SEC24C: variants seen among roughly 807,000 people sequenced by gnomAD.
The protein encoded by SEC24C is SEC24 homolog C, COPII component.
In SEC24C, 22 loss-of-function variants were observed where a neutral mutation model predicts 117.0. The observed-to-expected ratio is 0.19, with a 90% CI of 0.13 to 0.27. The LOEUF (loss-of-function observed/expected upper bound fraction) is 0.27. Among genes scored for constraint, SEC24C ranks in the 10% least tolerant of loss-of-function variants. SEC24C has a pLI of 1.00. For missense variants in SEC24C, 1,155 were observed against 1,375.1 expected, an observed-to-expected ratio of 0.84 and a Z score of 2.53; for synonymous variants, 506 against 529.4, an observed-to-expected ratio of 0.96 and a Z score of 0.61.
At chr10:73,751,661 G>A (rs1456084423) in intron 3 of SEC24C, 2 of 152,262 alleles carry the variant, frequency 1.3e-5, no homozygotes, top group African/African-American at 4.8e-5. Flanking sequence ...TGCCTTTCTT[G>A]TAGATCACTT....
Position 73,760,364 on chromosome 10 carries a change from A to G in SEC24C, c.828A>G (p.Pro276=). The change falls in exon 5 of 23, where the codon CCA becomes CCG. Residue 276 remains proline (P), a synonymous_variant. Coordinates refer to ENST00000345254, the MANE Select transcript of SEC24C (RefSeq NM_198597.3). ...CACCTATGCACTCCCCGCAGCAGCC[A>G]GGCTATCAGCCCCAACAAAATGGTG... is the stretch of plus-strand genomic sequence containing the variant. ...PLPPMHSPQQ[P]GYQPQQNGSF... is the part of the protein sequence containing the mutation. 3 of 1,599,608 alleles carry G rather than the reference A, an allele frequency of 1.9e-6. No homozygotes were observed. Among genetic ancestry groups the G allele is most frequent in the Non-Finnish European group, 2.6e-6 (3 of 1,174,700 alleles).
chr10:73,767,869 G>A lies in SEC24C; in HGVS notation c.2043G>A (p.Gln681=), dbSNP rs1487597244. 6.2e-7 allele frequency: 1 copy of A among 1,613,076 alleles called. No homozygotes were observed. The highest frequency in any genetic ancestry group is 1.3e-5 in the African/African-American group (1 of 74,854). ...TCCAGCCTCAGACAGGTGCCTATCA[G>A]ACCCTGGCCAAAGAGTGTGTGGCCC... ...TLFQPQTGAY[Q]TLAKECVAQG... Residue 681 remains glutamine (Q), a synonymous_variant, in exon 15 of 23, where the codon CAG becomes CAA. Coordinates refer to ENST00000345254, the MANE Select transcript of SEC24C (RefSeq NM_198597.3).
chr10:73,747,393 G>C (rs1020980661), intron 2 of SEC24C, among the ~76,000 whole-genome samples: 37 of 151,868 alleles, frequency 2.4e-4, no homozygotes, highest in African/African-American at 7.7e-4. Flanking sequence ...GTCTCTCTCT[G>C]TCGCCCAGGC....
At position 73,769,223 on chromosome 10, in the gene SEC24C, G is replaced by GATATA. The variant is rs764564901; in HGVS notation, c.2424+71_2424+72insATATA. The GATATA allele has an allele frequency of 6.3e-7, 1 of 1,594,982 alleles. No homozygotes were observed. Among genetic ancestry groups the GATATA allele is most frequent in the Admixed American group, 1.8e-5 (1 of 56,888 alleles). On this transcript the variant is annotated intron_variant, in intron 17 of 22. Coordinates refer to ENST00000345254, the MANE Select transcript of SEC24C (RefSeq NM_198597.3). The surrounding 1 kb of genome is among the most constrained non-coding windows in gnomAD (Gnocchi z 4.5). ...TGGTATAGAAGAGGGTGAGGAATGGGTAGAGAGCACTAAAAGAAGAGACAG... is the reference window on the plus strand; with the variant it reads ...TGGTATAGAAGAGGGTGAGGAATGGGATATATAGAGAGCACTAAAAGAAGAGACAG...
At chr10:73,759,195 C>CAA (rs745357787) in intron 3 of SEC24C, among the ~76,000 whole-genome samples, 9 of 114,492 alleles carry the variant, frequency 7.9e-5, no homozygotes, top group African/African-American at 2.3e-4. Flanking sequence ...GACCCTGTCT[C>CAA]AAAAAAAAAA....
At chr10:73,752,013 A>C (rs1418011020) in intron 3 of SEC24C, 1 of 152,276 alleles carries the variant, frequency 6.6e-6, no homozygotes, top group Non-Finnish European at 1.5e-5. Context: ...TAAAAGGGAA[A>C]CCACATAAAT....
chr10:73,756,800 C>T (rs533642400), intron 3 of SEC24C, among the ~76,000 whole-genome samples: 7 of 151,504 alleles, frequency 4.6e-5, no homozygotes, highest in Non-Finnish European at 8.8e-5. Context: ...AGGGTTTCAC[C>T]ATGTTGGCCA....
chr10:73,759,963 G>T, intron 4 of SEC24C, 55 bp from the exon 5 acceptor site: 1 of 1,519,914 alleles, frequency 6.6e-7, no homozygotes, highest in South Asian at 1.3e-5. Context: ...GTGATATACC[G>T]AACAAGGAGG....
intron 6 of SEC24C, among the ~76,000 whole-genome samples, chr10:73,761,550 G>T (rs1174346876): frequency 3.9e-5 from 6 of 152,120 alleles, no homozygotes; most frequent in African/African-American, 7.2e-5. Context: ...CATTTGCTAT[G>T]TCAGTTACCT....
At chr10:73,770,223 G>A (rs569325471) in intron 20 of SEC24C, 57 bp from the exon 21 acceptor site, 5 of 1,507,350 alleles carry the variant, frequency 3.3e-6, no homozygotes, top group Non-Finnish European at 4.5e-6. Flanking sequence ...TGTGGTGCGG[G>A]GGGGCAGACT....
At chr10:73,759,406 T>C (rs1204897114) in intron 3 of SEC24C, among the ~76,000 whole-genome samples, 1 of 152,202 alleles carries the variant, frequency 6.6e-6, no homozygotes, top group African/African-American at 2.4e-5. Context: ...TGGTTTATGT[T>C]TGTGGAGTGA....
intron 3 of SEC24C, among the ~76,000 whole-genome samples, chr10:73,752,305 TAG>T (rs1681421273): frequency 6.6e-6 from 1 of 152,028 alleles, no homozygotes; most frequent in South Asian, 2.1e-4. Flanking sequence ...GTATTTTTAG[TAG>T]AGATGGGGTT....
At chr10:73,756,664 G>A (rs1232220275) in intron 3 of SEC24C, among the ~76,000 whole-genome samples, 2 of 151,468 alleles carry the variant, frequency 1.3e-5, no homozygotes, top group African/African-American at 4.9e-5. Flanking sequence ...GCAATAGCAC[G>A]ATCTCAGCTC....
chr10:73,745,495 G>T (rs2082533020), intron 1 of SEC24C, among the ~76,000 whole-genome samples: 1 of 151,804 alleles, frequency 6.6e-6, no homozygotes, highest in African/African-American at 2.4e-5. Flanking sequence ...AAGTTTTGGT[G>T]CCTGTTCTGC....
chr10:73,771,725 T>C lies in SEC24C; in HGVS notation c.*630T>C, dbSNP rs2082986591. 1 of 153,102 alleles carries C rather than the reference T, an allele frequency of 6.5e-6. No homozygotes were observed. Among genetic ancestry groups the C allele is most frequent in the East Asian group, 1.9e-4 (1 of 5,202 alleles). 9.5% of individuals were successfully genotyped at this position (153,102 alleles called of 1,614,324 possible). A position where few individuals can be genotyped will look rare whatever the true frequency, so the allele number is the denominator to read the frequency against. On this transcript the variant is annotated 3_prime_UTR_variant, in exon 23 of 23. Transcript: ENST00000345254. ...GTGACCGGAGAACTGAGTTGCAAAA[T>C]ATATTAAGATCTGGTAGAGGTACCA... is the stretch of plus-strand genomic sequence containing the variant.
Position 73,770,356 on chromosome 10 carries a change from T to C in SEC24C, c.2939T>C (p.Ile980Thr). The stretch of plus-strand genomic sequence containing the variant: ...GAAGAGCGTCTAAGCAATGGGGATA[T>C]ATATTTACTGGAGAATGGGCTCAAC... ...ASEERLSNGD[I>T]YLLENGLNLF... Residue 980 changes from isoleucine (I) to threonine (T), a missense_variant, in exon 21 of 23, where the codon ATA becomes ACA. Transcript: ENST00000345254. 6.2e-7 allele frequency: 1 copy of C among 1,613,626 alleles called. No homozygotes were observed. Among genetic ancestry groups the C allele is most frequent in the Non-Finnish European group, 8.5e-7 (1 of 1,179,836 alleles).
intron 7 of SEC24C, 98 bp downstream of exon 7, chr10:73,763,699 T>TA (rs2082833896): frequency 3.2e-6 from 2 of 633,428 alleles, no homozygotes; most frequent in African/African-American, 2.1e-5. Context: ...TTTTTTTTTT[T>TA]AGTTTTTAAC....
chr10:73,748,214 C>A (rs202015135), intron 2 of SEC24C, among the ~76,000 whole-genome samples: 1 of 149,310 alleles, frequency 6.7e-6, no homozygotes, highest in East Asian at 2.0e-4. Flanking sequence ...CGGCTCACTG[C>A]AACCTCCGCC....
Position 73,746,547 on chromosome 10 carries a change from T to C in SEC24C, c.-28-258T>C, listed in dbSNP as rs1466416440. On this transcript the variant is annotated intron_variant, in intron 1 of 22. Transcript: ENST00000345254. ...AATGGAGGCTGCTGCTCCATTTCAG[T>C]GGATCTGTCTGAAGTTGAAATTTAT... 1.5e-5 allele frequency: 4 copies of C among 264,352 alleles called. No homozygotes were observed. In the East Asian group the frequency reaches 3.0e-4, roughly 20 times the overall value. The allele number at this position is 264,352 out of a possible 1,614,324, so 16.4% of individuals were successfully genotyped here.
Sources: allele counts gnomAD v4.1 joint callset (sites outside exome capture counted in the v4.1 genomes callset), GRCh38; gene constraint gnomAD v4.1.1; non-coding constraint Gnocchi (gnomAD v3.1); transcripts MANE v1.5; gene names NCBI Gene and HGNC (gene_info 2026-07-23, HGNC 2026-07-21).